Variants in COL24A1 observed in about 807,000 individuals in gnomAD.
The protein encoded by COL24A1 is collagen alpha-1(XXIV) chain.
Under a neutral mutation model 253.9 loss-of-function variants are expected in COL24A1, and 224 were observed. The ratio of observed to expected loss-of-function variants is 0.88; its 90% CI spans 0.79 to 0.99. The LOEUF (loss-of-function observed/expected upper bound fraction) is 0.99, where lower values mean the gene tolerates loss of function less well. Ranked by LOEUF, COL24A1 falls within the 50% of genes least tolerant of loss-of-function variation. The pLI is 0.00. For synonymous variants in COL24A1, 685 were observed against 673.7 expected (o/e 1.02, Z -0.26); for missense variants, 2,131 against 2,068.5 (o/e 1.03, Z -0.59).
intron 57 of COL24A1, among the ~76,000 whole-genome samples, chr1:85,743,289 C>T (rs1209947637): frequency 1.3e-5 from 2 of 152,094 alleles, no homozygotes; most frequent in Non-Finnish European, 2.9e-5. Flanking sequence ...CTTGCTAATT[C>T]TAAAACTTGC....
chr1:85,806,488 T>C (rs992055551), intron 47 of COL24A1, among the ~76,000 whole-genome samples: 1 of 152,250 alleles, frequency 6.6e-6, no homozygotes, highest in Non-Finnish European at 1.5e-5. Context: ...TCTGCTGTTG[T>C]AGTGCAAAAG....
intron 43 of COL24A1, among the ~76,000 whole-genome samples, chr1:85,836,863 CTGAT>C (rs1676057966): frequency 6.6e-6 from 1 of 152,166 alleles, no homozygotes; most frequent in Non-Finnish European, 1.5e-5. Context: ...AAGTGAATGA[CTGAT>C]TGTCCAGAAA....
intron 31 of COL24A1, among the ~76,000 whole-genome samples, chr1:85,892,590 C>A (rs1483306507): frequency 6.6e-6 from 1 of 151,942 alleles, no homozygotes; most frequent in Non-Finnish European, 1.5e-5. Flanking sequence ...CCCCATTAAA[C>A]ATCTCTAAAG....
At chr1:85,936,709 C>A (rs1056841863) in intron 24 of COL24A1, among the ~76,000 whole-genome samples, 1 of 146,910 alleles carries the variant, frequency 6.8e-6, no homozygotes, top group Admixed American at 6.8e-5. Context: ...CTGGCAGACC[C>A]TACGGTATTA....
chr1:86,072,238 C>T (rs1040119819), intron 7 of COL24A1, among the ~76,000 whole-genome samples: 18 of 152,150 alleles, frequency 1.2e-4, no homozygotes, highest in African/African-American at 4.1e-4. Flanking sequence ...CCCACAGAGC[C>T]CATGAAGCTA....
chr1:85,916,656 G>A (rs1043975631), intron 24 of COL24A1, among the ~76,000 whole-genome samples: 1 of 152,048 alleles, frequency 6.6e-6, no homozygotes, highest in Admixed American at 6.5e-5. Context: ...GCAAGACCCT[G>A]TCTCCAAAAT....
At chr1:86,134,463 C>T (rs1649878961) in intron 2 of COL24A1, among the ~76,000 whole-genome samples, 2 of 145,808 alleles carry the variant, frequency 1.4e-5, no homozygotes, top group African/African-American at 5.0e-5. Context: ...TTAGATCTTT[C>T]CTGCTTTCTC....
chr1:85,850,020 A>G (rs1479951741), intron 37 of COL24A1, among the ~76,000 whole-genome samples: 2 of 152,206 alleles, frequency 1.3e-5, no homozygotes, highest in Non-Finnish European at 2.9e-5. Flanking sequence ...TCTGTGGGAA[A>G]AAAAGAAGGA....
At chr1:85,802,388 G>A (rs1671525992) in intron 47 of COL24A1, among the ~76,000 whole-genome samples, 1 of 151,982 alleles carries the variant, frequency 6.6e-6, no homozygotes, top group African/African-American at 2.4e-5. Context: ...AGCACATCCA[G>A]TTCTTCCTAA....
intron 24 of COL24A1, among the ~76,000 whole-genome samples, chr1:85,927,589 G>A (rs1687451707): frequency 8.6e-6 from 1 of 115,662 alleles, no homozygotes; most frequent in African/African-American, 3.3e-5. Flanking sequence ...CACAGCTCAA[G>A]GAGGCCTGCC....
At chr1:85,772,669 T>C (rs978332144) in intron 53 of COL24A1, among the ~76,000 whole-genome samples, 3 of 152,186 alleles carry the variant, frequency 2.0e-5, no homozygotes, top group Non-Finnish European at 2.9e-5. Context: ...AAATGTCTTC[T>C]TTTGAGAAGG....
intron 47 of COL24A1, among the ~76,000 whole-genome samples, chr1:85,803,590 T>C (rs1671666011): frequency 1.4e-5 from 2 of 143,642 alleles, no homozygotes; most frequent in South Asian, 4.2e-4. Context: ...GTTTGCACTT[T>C]TTTTTTTTGG....
Position 85,730,552 on chromosome 1 carries a change from A to G in COL24A1, c.5139T>C (p.Phe1713=). ...CGGAACTAATTCAGAGACTTTACAG[A>G]AAGCATACAGAACTGCTGTCAATGT... ...KYYIDSSSVC[F]L Residue 1713 remains phenylalanine (F), a synonymous_variant, in exon 60 of 60, where the codon TTT becomes TTC. Coordinates refer to ENST00000370571, the MANE Select transcript of COL24A1 (RefSeq NM_152890.7). The G allele has an allele frequency of 6.2e-7, 1 of 1,613,718 alleles. No individual in the cohort carries two copies. Among genetic ancestry groups the G allele is most frequent in the Non-Finnish European group, 8.5e-7 (1 of 1,179,744 alleles).
intron 7 of COL24A1, among the ~76,000 whole-genome samples, chr1:86,071,611 C>G (rs553780894): frequency 6.6e-6 from 1 of 152,014 alleles, no homozygotes; most frequent in Admixed American, 6.5e-5. Context: ...TTATATCAGA[C>G]AAAACAGATT....
intron 10 of COL24A1, among the ~76,000 whole-genome samples, chr1:86,054,041 G>A (rs1304241714): frequency 6.6e-6 from 1 of 152,026 alleles, no homozygotes; most frequent in Non-Finnish European, 1.5e-5. Context: ...AAATAATTGG[G>A]AAAGAATACC....
intron 1 of COL24A1, among the ~76,000 whole-genome samples, chr1:86,153,340 T>A (rs1653032986): frequency 6.6e-6 from 1 of 152,124 alleles, no homozygotes; most frequent in Non-Finnish European, 1.5e-5. Context: ...TCTGTCATAC[T>A]CAATCATTGT....
intron 37 of COL24A1, among the ~76,000 whole-genome samples, chr1:85,864,693 T>C (rs1358903358): frequency 1.3e-5 from 2 of 152,212 alleles, no homozygotes; most frequent in South Asian, 2.1e-4. Context: ...AAGGTCACTT[T>C]ATTTCATTTT....
intron 43 of COL24A1, among the ~76,000 whole-genome samples, chr1:85,834,143 A>G (rs897648136): frequency 6.6e-6 from 1 of 152,078 alleles, no homozygotes; most frequent in African/African-American, 2.4e-5. Flanking sequence ...AAAAAAGTAA[A>G]TACAAAAAAA....
chr1:85,942,819 G>A (rs922627649), intron 24 of COL24A1, among the ~76,000 whole-genome samples: 3 of 152,134 alleles, frequency 2.0e-5, no homozygotes, highest in African/African-American at 7.2e-5. Flanking sequence ...CTTTGTTACT[G>A]TCTTTATTTG....
Sources: allele counts gnomAD v4.1 joint callset (sites outside exome capture counted in the v4.1 genomes callset), GRCh38; gene constraint gnomAD v4.1.1; transcripts MANE v1.5; gene names NCBI Gene and HGNC (gene_info 2026-07-23, HGNC 2026-07-21).